The following B4GALT1 variants were observed in gnomAD, a reference collection of about 807,000 sequenced individuals.
The protein encoded by B4GALT1 is N-acetyllactosamine synthase.
A neutral mutation model predicts 34.9 loss-of-function variants in B4GALT1; 16 were observed. That is an observed-to-expected ratio of 0.46 (90% CI 0.31 to 0.70). B4GALT1 has a LOEUF of 0.70. B4GALT1 is among the 30% of genes least tolerant of loss of function. The pLI, the probability that B4GALT1 is intolerant of heterozygous loss-of-function variation, is 0.05. For missense variants in B4GALT1, 445 were observed against 530.5 expected, an observed-to-expected ratio of 0.84 and a Z score of 1.58; for synonymous variants, 221 against 218.1, an observed-to-expected ratio of 1.01 and a Z score of -0.12.
the B4GALT1 span, chr9:33,179,923 A>G: frequency 6.6e-6 from 1 of 152,202 alleles, no homozygotes; most frequent in Non-Finnish European, 1.5e-5. Flanking sequence ...CATGTCTATA[A>G]CTTCCTCAGT....
intron 2 of B4GALT1, among the ~76,000 whole-genome samples, chr9:33,122,628 T>C (rs10117038): frequency 0.49 from 74,195 of 151,758 alleles, 19,185 homozygotes; most frequent in African/African-American, 0.67. Context: ...GTGGGGAACT[T>C]GGGGAAGCAA....
At chr9:33,145,263 CA>C (rs1264880213) in intron 1 of B4GALT1, among the ~76,000 whole-genome samples, 1 of 152,138 alleles carries the variant, frequency 6.6e-6, no homozygotes, top group Admixed American at 6.5e-5. Flanking sequence ...TAGCATCTGA[CA>C]CTTTGTGGCA....
Position 33,112,167 on chromosome 9 carries a change from A to G in B4GALT1, c.*1287T>C, listed in dbSNP as rs1222852317. ...GGGTGGGCCACGGAGTGTGGCTAGC[A>G]GAGCCTCTGAGGGAGGTGGCCCCCA... On this transcript the variant is annotated 3_prime_UTR_variant, in exon 6 of 6. Transcript: ENST00000379731. 6.6e-6 allele frequency: 1 copy of G among 152,476 alleles called. No individual in the cohort carries two copies. The highest frequency in any genetic ancestry group is 1.5e-5 in the Non-Finnish European group (1 of 68,084). 9.4% of individuals were successfully genotyped at this position (152,476 alleles called of 1,614,324 possible).
At chr9:33,139,309 C>T (rs1430163799) in intron 1 of B4GALT1, among the ~76,000 whole-genome samples, 1 of 152,116 alleles carries the variant, frequency 6.6e-6, no homozygotes, top group African/African-American at 2.4e-5. Flanking sequence ...GGAGCTTGCT[C>T]CTCCAATGGC....
chr9:33,146,794 A>T (rs1205568657), intron 1 of B4GALT1, among the ~76,000 whole-genome samples: 1 of 151,932 alleles, frequency 6.6e-6, no homozygotes, highest in Non-Finnish European at 1.5e-5. Flanking sequence ...CCTGGGTTCA[A>T]GTGATTCTCT....
chr9:33,183,117 T>C, the B4GALT1 span, among the ~76,000 whole-genome samples: 1 of 152,156 alleles, frequency 6.6e-6, no homozygotes, highest in South Asian at 2.1e-4. Context: ...AAGTTTTAAA[T>C]TGCACACTGC....
At chr9:33,145,934 G>A (rs1840418722) in intron 1 of B4GALT1, among the ~76,000 whole-genome samples, 1 of 152,202 alleles carries the variant, frequency 6.6e-6, no homozygotes, top group African/African-American at 2.4e-5. Flanking sequence ...TATACCATAT[G>A]TGGTCACAGA....
At chr9:33,145,060 C>T (rs1840406714) in intron 1 of B4GALT1, among the ~76,000 whole-genome samples, 1 of 152,136 alleles carries the variant, frequency 6.6e-6, no homozygotes, top group Non-Finnish European at 1.5e-5. Context: ...GCCTAGGTGG[C>T]CAAGTGGGAA....
intron 3 of B4GALT1, among the ~76,000 whole-genome samples, chr9:33,118,551 T>C (rs1443071583): frequency 6.6e-6 from 1 of 151,630 alleles, no homozygotes; most frequent in Non-Finnish European, 1.5e-5. Context: ...ACACCTGTGG[T>C]CCCAGCTACT....
At chr9:33,178,763 A>G in the B4GALT1 span, 3 of 152,248 alleles carry the variant, frequency 2.0e-5, no homozygotes, top group African/African-American at 7.2e-5. Context: ...ACTGCCTTCA[A>G]TTGCTGTATC....
At chr9:33,150,270 CGAGAGA>C (rs375327326) in intron 1 of B4GALT1, among the ~76,000 whole-genome samples, 2 of 87,892 alleles carry the variant, frequency 2.3e-5, no homozygotes, top group African/African-American at 4.0e-5. Flanking sequence ...ACACACAGAG[CGAGAGA>C]GAGAGAGAGA....
the B4GALT1 span, among the ~76,000 whole-genome samples, chr9:33,175,237 C>T: frequency 1.3e-5 from 2 of 150,676 alleles, no homozygotes; most frequent in Non-Finnish European, 3.0e-5. Flanking sequence ...CATTTGAGCC[C>T]AGGAGTTTGA....
the B4GALT1 span, among the ~76,000 whole-genome samples, chr9:33,172,468 T>G: frequency 6.6e-6 from 1 of 152,310 alleles, no homozygotes; most frequent in East Asian, 1.9e-4. Flanking sequence ...CCCTGTTTGT[T>G]CCAACTGATT....
chr9:33,154,081 A>AT (rs1335274136), intron 1 of B4GALT1, among the ~76,000 whole-genome samples: 6 of 151,440 alleles, frequency 4.0e-5, no homozygotes, highest in African/African-American at 1.5e-4. Flanking sequence ...ACAGACCACT[A>AT]TCTGTTATGA....
intron 1 of B4GALT1, among the ~76,000 whole-genome samples, chr9:33,140,972 G>C (rs1179270127): frequency 6.6e-6 from 1 of 152,188 alleles, no homozygotes; most frequent in African/African-American, 2.4e-5. Context: ...GTCTGCAAGG[G>C]CTTCAGTCTA....
chr9:33,137,741 G>A (rs1007561703), intron 1 of B4GALT1, among the ~76,000 whole-genome samples: 14 of 152,136 alleles, frequency 9.2e-5, no homozygotes, highest in Non-Finnish European at 1.9e-4. Context: ...GTAGGGCTCC[G>A]ATGGACCATC....
intron 1 of B4GALT1, among the ~76,000 whole-genome samples, chr9:33,151,030 T>A (rs936659905): frequency 6.6e-6 from 1 of 152,150 alleles, no homozygotes; most frequent in Non-Finnish European, 1.5e-5. Context: ...GCTGGATGTG[T>A]CCTTCCAGGG....
intron 3 of B4GALT1, among the ~76,000 whole-genome samples, chr9:33,119,592 T>C (rs1839991372): frequency 6.6e-6 from 1 of 152,332 alleles, no homozygotes; most frequent in East Asian, 1.9e-4. Flanking sequence ...GGCTCATGCC[T>C]GTAGTCCCAA....
the B4GALT1 span, among the ~76,000 whole-genome samples, chr9:33,177,140 A>G: frequency 6.6e-6 from 1 of 152,166 alleles, no homozygotes; most frequent in Non-Finnish European, 1.5e-5. Context: ...CAGGCAGCCA[A>G]AGGGAGTAAG....
Sources: gnomAD v4.1 joint callset for allele counts (sites outside exome capture counted in the v4.1 genomes callset) on GRCh38, gnomAD v4.1.1 for gene constraint, MANE v1.5 for transcripts, NCBI Gene and HGNC (gene_info 2026-07-23, HGNC 2026-07-21) for gene names.